The following ANKRD18B variants were observed in gnomAD, a reference collection of about 807,000 sequenced individuals.
ANKRD18B encodes the protein ankyrin repeat domain-containing protein 18B.
Under a neutral mutation model 111.8 loss-of-function variants are expected in ANKRD18B, and 75 were observed. The observed-to-expected ratio is 0.67, with a 90% CI of 0.56 to 0.81. The LOEUF (loss-of-function observed/expected upper bound fraction) is 0.81. Ranked by LOEUF, ANKRD18B falls within the 40% of genes least tolerant of loss-of-function variation. The probability of loss-of-function intolerance (pLI) is 0.00; values close to 1 mark genes in which losing one functional copy is unlikely to be tolerated. For missense variants in ANKRD18B, 1,038 were observed against 1,225.5 expected (o/e 0.85, Z 2.28); for synonymous variants, 356 against 417.3 (o/e 0.85, Z 1.79).
chr9:33,558,756 A>G (rs1220124856), intron 14 of ANKRD18B, among the ~76,000 whole-genome samples: 1 of 152,214 alleles, frequency 6.6e-6, no homozygotes. Context: ...AGAAATATTA[A>G]TGATGGATAA....
At chr9:33,562,540 T>C (rs993596481) in intron 14 of ANKRD18B, among the ~76,000 whole-genome samples, 2 of 151,798 alleles carry the variant, frequency 1.3e-5, no homozygotes, top group African/African-American at 2.4e-5. Context: ...GTTTTAGGAG[T>C]GCAGCACTTA....
intron 14 of ANKRD18B, among the ~76,000 whole-genome samples, chr9:33,560,551 A>G (rs1828591637): frequency 6.6e-6 from 1 of 152,206 alleles, no homozygotes; most frequent in Non-Finnish European, 1.5e-5. Context: ...TATCAGTACT[A>G]AATTTCTTCT....
chr9:33,548,090 A>C lies in ANKRD18B; in HGVS notation c.1302A>C (p.Thr434=). Residue 434 remains threonine, a synonymous_variant, in exon 11 of 19, where the codon ACA becomes ACC. Transcript: ENST00000684830. ...KKYIQEIKSI[T]EINANFEKSV... ...ATATTCAGGAAATTAAAAGTATTAC[A>C]GAAATAAATGCTAACTTTGAAAAGA... 6.5e-7 allele frequency: 1 copy of C among 1,533,940 alleles called. No homozygotes were observed. Among genetic ancestry groups the C allele is most frequent in the Non-Finnish European group, 8.8e-7 (1 of 1,142,060 alleles).
At chr9:33,534,291 A>G (rs1828162520) in intron 4 of ANKRD18B, 79 bp from the exon 5 acceptor site, 1 of 1,460,774 alleles carries the variant, frequency 6.8e-7, no homozygotes, top group African/African-American at 1.4e-5. Context: ...AAGATATGAA[A>G]TTGGTAAAGT....
chr9:33,532,162 A>C (rs1489893890), intron 3 of ANKRD18B, among the ~76,000 whole-genome samples: 1 of 152,074 alleles, frequency 6.6e-6, no homozygotes, highest in Non-Finnish European at 1.5e-5. Context: ...TGAACTCGGG[A>C]GGTGGAGCTT....
chr9:33,552,130 T>C (rs1828456249), intron 12 of ANKRD18B, among the ~76,000 whole-genome samples: 1 of 152,242 alleles, frequency 6.6e-6, no homozygotes, highest in Admixed American at 6.5e-5. Flanking sequence ...ACCATACCAA[T>C]TATTTCTTCT....
intron 10 of ANKRD18B, among the ~76,000 whole-genome samples, chr9:33,546,042 C>T (rs1373089652): frequency 6.6e-6 from 1 of 152,142 alleles, no homozygotes; most frequent in East Asian, 1.9e-4. Context: ...AGCCATATAC[C>T]ATGTGACCTT....
chr9:33,535,374 C>T (rs781159015), intron 5 of ANKRD18B, among the ~76,000 whole-genome samples: 18 of 152,116 alleles, frequency 1.2e-4, no homozygotes, highest in African/African-American at 3.4e-4. Flanking sequence ...CAAGCTCCCC[C>T]TCCTGGGTTC....
rs1222526630 is a variant in ANKRD18B at position 33,524,450 on chromosome 9, G to A, written c.-40G>A. On this transcript the variant is annotated 5_prime_UTR_variant, in exon 1 of 19. Coordinates refer to ENST00000684830, the MANE Select transcript of ANKRD18B (RefSeq NM_001393611.1). The stretch of plus-strand genomic sequence containing the variant: ...TGGAAAGGCCACGAGGAGCCGCGGC[G>A]TCTCAGGAGCGGGTGGTGGGCATCT... 2 of 1,505,914 alleles carry A rather than the reference G, an allele frequency of 1.3e-6. No individual in the cohort carries two copies. Among genetic ancestry groups the A allele is most frequent in the Non-Finnish European group, 1.8e-6 (2 of 1,125,570 alleles). 93.3% of individuals were successfully genotyped at this position (1,505,914 alleles called of 1,614,324 possible).
intron 12 of ANKRD18B, among the ~76,000 whole-genome samples, chr9:33,552,802 C>T (rs1160582283): frequency 6.6e-6 from 1 of 151,288 alleles, no homozygotes; most frequent in East Asian, 1.9e-4. Flanking sequence ...TCACTATGTA[C>T]ATGTACTCTT....
intron 4 of ANKRD18B, 116 bp downstream of exon 4, chr9:33,533,661 A>G: frequency 2.1e-6 from 3 of 1,413,802 alleles, no homozygotes; most frequent in Non-Finnish European, 2.8e-6. Context: ...TTATTGGCAT[A>G]TAGTAAAAAA....
At chr9:33,537,404 T>G (rs2118011763) in intron 6 of ANKRD18B, among the ~76,000 whole-genome samples, 1 of 152,282 alleles carries the variant, frequency 6.6e-6, no homozygotes, top group East Asian at 1.9e-4. Flanking sequence ...TCTTTAGAAT[T>G]CAGAGTTATT....
chr9:33,524,696 G>T lies in ANKRD18B; in HGVS notation c.206+1G>T, dbSNP rs746488299. On this transcript the variant is annotated splice_donor_variant, in intron 1 of 18. Coordinates refer to ENST00000684830, the MANE Select transcript of ANKRD18B (RefSeq NM_001393611.1). LOFTEE classifies it high-confidence loss of function. ...TGGACGTCCGCGACAGAAAAGACAG[G>T]TAGCGGGGGCTCAGCCCTCGGTGGG... The T allele has an allele frequency of 6.3e-5, 98 of 1,548,976 alleles. No homozygotes were observed. The highest frequency in any genetic ancestry group is 7.4e-5 in the Non-Finnish European group (85 of 1,146,178).
At chr9:33,569,589 A>G (rs1229850552) in intron 17 of ANKRD18B, among the ~76,000 whole-genome samples, 1 of 152,106 alleles carries the variant, frequency 6.6e-6, no homozygotes, top group Admixed American at 6.6e-5. Context: ...ATTTGCACCA[A>G]CTTAACTCTT....
At chr9:33,559,304 C>A (rs1225307641) in intron 14 of ANKRD18B, among the ~76,000 whole-genome samples, 1 of 152,130 alleles carries the variant, frequency 6.6e-6, no homozygotes, top group Non-Finnish European at 1.5e-5. Context: ...CAAATTCCCC[C>A]ACAGATGGCA....
intron 1 of ANKRD18B, among the ~76,000 whole-genome samples, chr9:33,526,238 T>TA (rs1273729179): frequency 6.6e-6 from 1 of 152,200 alleles, no homozygotes; most frequent in Admixed American, 6.5e-5. Context: ...TCCATTGTAT[T>TA]AAAATACCTT....
chr9:33,560,315 G>A (rs1326131756), intron 14 of ANKRD18B, among the ~76,000 whole-genome samples: 1 of 152,202 alleles, frequency 6.6e-6, no homozygotes, highest in East Asian at 1.9e-4. Context: ...AGCTGAAGAG[G>A]CCAGGCTCCT....
chr9:33,558,865 T>C (rs1204722852), intron 14 of ANKRD18B, among the ~76,000 whole-genome samples: 1 of 152,128 alleles, frequency 6.6e-6, no homozygotes, highest in Non-Finnish European at 1.5e-5. Context: ...TTGAGAATGC[T>C]TCATGAGACA....
intron 16 of ANKRD18B, among the ~76,000 whole-genome samples, chr9:33,567,536 C>A (rs1160607546): frequency 7.9e-6 from 1 of 126,276 alleles, no homozygotes; most frequent in East Asian, 2.2e-4. Flanking sequence ...TGGCTTTTTT[C>A]CCTGAAAAGT....
Sources: allele counts gnomAD v4.1 joint callset (sites outside exome capture counted in the v4.1 genomes callset), GRCh38; gene constraint gnomAD v4.1.1; transcripts MANE v1.5; gene names NCBI Gene and HGNC (gene_info 2026-07-23, HGNC 2026-07-21).